The following STK3 variants were observed in gnomAD, a reference collection of about 807,000 sequenced individuals.
STK3 encodes the protein serine/threonine kinase 3.
A neutral mutation model predicts 58.0 loss-of-function variants in STK3; 41 were observed. The ratio of observed to expected loss-of-function variants is 0.71; its 90% CI spans 0.55 to 0.92. The LOEUF (loss-of-function observed/expected upper bound fraction) is 0.92. STK3 is among the 40% of genes least tolerant of loss of function. The pLI, the probability that STK3 is intolerant of heterozygous loss-of-function variation, is 0.00. For synonymous variants in STK3, 170 were observed against 191.0 expected (o/e 0.89, Z 0.91); for missense variants, 479 against 602.7 (o/e 0.79, Z 2.15).
intron 7 of STK3, among the ~76,000 whole-genome samples, chr8:98,589,846 G>A (rs1426720602): frequency 6.6e-6 from 1 of 152,210 alleles, no homozygotes; most frequent in Non-Finnish European, 1.5e-5. Context: ...ATTAGGGTGG[G>A]AGTGGCCTGA....
intron 1 of STK3, among the ~76,000 whole-genome samples, chr8:98,385,259 C>G (rs73272089): frequency 0.054 from 8,094 of 149,864 alleles, 570 homozygotes; most frequent in East Asian, 0.16. Context: ...GAGTGGGGGT[C>G]GGGGGGAGGT....
intron 10 of STK3, among the ~76,000 whole-genome samples, chr8:98,512,027 T>C (rs1824557206): frequency 6.6e-6 from 1 of 152,120 alleles, no homozygotes; most frequent in African/African-American, 2.4e-5. Flanking sequence ...ATGTGCAGGT[T>C]TGTTACATAT....
chr8:98,800,306 CACT>C lies in STK3; in HGVS notation c.26+25206_26+25208del, dbSNP rs1311152777. Among the ~76,000 whole-genome samples, 2 of 152,202 alleles carry C rather than the reference CACT, an allele frequency of 1.3e-5. No individual in the cohort carries two copies. The highest frequency in any genetic ancestry group is 2.4e-5 in the African/African-American group (1 of 41,444). On this transcript the variant is annotated intron_variant, in intron 1 of 10. Coordinates refer to ENST00000419617, the MANE Select transcript of STK3 (RefSeq NM_006281.4). This position sits in a 1 kb window ranked among gnomAD's most constrained non-coding sequence, Gnocchi z 4.8. ...GCCTAGAGAGCTCCCCTCTGGAGGACACTACAACTGCAGGGCCCCTTCAAAGCC... is the reference window on the plus strand; with the variant it reads ...GCCTAGAGAGCTCCCCTCTGGAGGACACAACTGCAGGGCCCCTTCAAAGCC...
chr8:98,378,217 A>C (rs1480192128), intron 2 of STK3, among the ~76,000 whole-genome samples: 2 of 152,228 alleles, frequency 1.3e-5, no homozygotes, highest in African/African-American at 4.8e-5. Flanking sequence ...CATCCAGCTA[A>C]GACATCACCC....
chr8:98,873,163 T>G (rs1383834545), intron 3 of STK3, among the ~76,000 whole-genome samples: 2 of 152,214 alleles, frequency 1.3e-5, no homozygotes, highest in Non-Finnish European at 2.9e-5. Flanking sequence ...GTGAGTTTCT[T>G]AATCCTGAGT....
At chr8:98,779,477 T>C (rs1831940843) in intron 1 of STK3, among the ~76,000 whole-genome samples, 1 of 152,214 alleles carries the variant, frequency 6.6e-6, no homozygotes, top group African/African-American at 2.4e-5. Flanking sequence ...AGTGACACCT[T>C]TCCTTTCTGA....
chr8:98,622,328 T>C (rs1393573675), intron 6 of STK3, among the ~76,000 whole-genome samples: 2 of 152,022 alleles, frequency 1.3e-5, no homozygotes, highest in Non-Finnish European at 2.9e-5. Flanking sequence ...AATCACTGAA[T>C]ACAATAAACC....
At chr8:98,633,838 C>T (rs928201754) in intron 6 of STK3, 14 of 438,590 alleles carry the variant, frequency 3.2e-5, no homozygotes, top group Middle Eastern at 6.6e-4. Context: ...TTTGAAGATC[C>T]CAAACTTGAA....
chr8:98,865,231 A>G (rs1398448144), intron 3 of STK3, among the ~76,000 whole-genome samples: 1 of 152,098 alleles, frequency 6.6e-6, no homozygotes, highest in Non-Finnish European at 1.5e-5. Context: ...CTCTACAAAA[A>G]CTTTCTTAAC....
chr8:98,722,593 A>T (rs1827511863), intron 4 of STK3: 1 of 155,014 alleles, frequency 6.5e-6, no homozygotes, highest in Non-Finnish European at 1.4e-5. Context: ...TTTCCTAGAT[A>T]GATGGAGTTT....
intron 6 of STK3, among the ~76,000 whole-genome samples, chr8:98,705,142 C>T (rs1233722829): frequency 6.6e-6 from 1 of 152,094 alleles, no homozygotes; most frequent in Non-Finnish European, 1.5e-5. Context: ...ACTCAAAGAA[C>T]TCTAGGCTGG....
intron 10 of STK3, among the ~76,000 whole-genome samples, chr8:98,483,310 T>C (rs1371438847): frequency 6.6e-6 from 1 of 152,236 alleles, no homozygotes; most frequent in Non-Finnish European, 1.5e-5. Flanking sequence ...TAATTTTGGA[T>C]TAGTGATGTC....
At chr8:98,442,289 T>C (rs562978395) in intron 1 of STK3, among the ~76,000 whole-genome samples, 9 of 152,356 alleles carry the variant, frequency 5.9e-5, no homozygotes, top group Admixed American at 5.2e-4. Flanking sequence ...AAGCACCTCA[T>C]CCATTCCTGT....
At chr8:98,673,798 A>C (rs1284093928) in intron 6 of STK3, among the ~76,000 whole-genome samples, 1 of 152,196 alleles carries the variant, frequency 6.6e-6, no homozygotes, top group Non-Finnish European at 1.5e-5. Context: ...AGAAATAAAA[A>C]ACAATTTATT....
At chr8:98,593,872 C>T (rs985308435) in intron 7 of STK3, among the ~76,000 whole-genome samples, 1 of 151,866 alleles carries the variant, frequency 6.6e-6, no homozygotes, top group Non-Finnish European at 1.5e-5. Context: ...TCTAATGAGG[C>T]CAAAGATAAT....
At chr8:98,563,941 C>A (rs1812263928) in intron 8 of STK3, among the ~76,000 whole-genome samples, 2 of 152,064 alleles carry the variant, frequency 1.3e-5, no homozygotes, top group South Asian at 2.1e-4. Context: ...TGGAGAATAA[C>A]CCCCCACTTC....
At chr8:98,685,493 AG>A (rs1226693950) in intron 6 of STK3, among the ~76,000 whole-genome samples, 1 of 152,174 alleles carries the variant, frequency 6.6e-6, no homozygotes, top group African/African-American at 2.4e-5. Flanking sequence ...AACTCTGACA[AG>A]ACAAAAATAT....
At chr8:98,666,819 A>T (rs954168114) in intron 6 of STK3, among the ~76,000 whole-genome samples, 6 of 152,202 alleles carry the variant, frequency 3.9e-5, no homozygotes, top group African/African-American at 1.4e-4. Context: ...GACATTTTAC[A>T]ATGTCCCAAA....
chr8:98,774,865 CT>C, intron 1 of STK3, 46 bp from the exon 2 acceptor site: 1 of 1,380,592 alleles, frequency 7.2e-7, no homozygotes, highest in Non-Finnish European at 9.7e-7. Context: ...CTTTAAAGAC[CT>C]TTTACAAAAT....
Sources: allele counts gnomAD v4.1 joint callset (sites outside exome capture counted in the v4.1 genomes callset), GRCh38; gene constraint gnomAD v4.1.1; non-coding constraint Gnocchi (gnomAD v3.1); transcripts MANE v1.5; gene names NCBI Gene and HGNC (gene_info 2026-07-23, HGNC 2026-07-21).